Variants in ANKFY1 observed in about 807,000 individuals in gnomAD.
The protein encoded by ANKFY1 is ankyrin repeat and FYVE domain containing 1.
ANKFY1 carries 47 observed loss-of-function variants against 128.3 expected under a neutral mutation model. That is an observed-to-expected ratio of 0.37 (90% CI 0.29 to 0.47). ANKFY1 has a LOEUF of 0.47. Among genes scored for constraint, ANKFY1 ranks in the 20% least tolerant of loss-of-function variants. The probability of loss-of-function intolerance (pLI) is 1.00; values close to 1 mark genes in which losing one functional copy is unlikely to be tolerated. For missense variants in ANKFY1, 1,222 were observed against 1,510.6 expected (o/e 0.81, Z 3.17); for synonymous variants, 553 against 601.6 (o/e 0.92, Z 1.18).
At chr17:4,180,167 C>T (rs1179838019) in intron 16 of ANKFY1, 2 of 360,114 alleles carry the variant, frequency 5.6e-6, no homozygotes, top group African/African-American at 2.1e-5. Flanking sequence ...GTGGCTCATG[C>T]CTCTAATCCC....
At position 4,164,322 on chromosome 17, in the gene ANKFY1, A is replaced by G. The variant is rs779400643; in HGVS notation, c.*3457T>C. On this transcript the variant is annotated 3_prime_UTR_variant, in exon 25 of 25. Transcript: ENST00000341657. ...GTACAGGCAATGATCTTCCAAAGAA[A>G]GTCTTTAAGGCATCTGTAACTTCTG... is the stretch of plus-strand genomic sequence containing the variant. The G allele has an allele frequency of 1.3e-5, 2 of 152,712 alleles. No homozygotes were observed. Among genetic ancestry groups the G allele is most frequent in the African/African-American group, 4.8e-5 (2 of 41,478 alleles). The allele number at this position is 152,712 out of a possible 1,614,324, so 9.5% of individuals were successfully genotyped here. A position where few individuals can be genotyped will look rare whatever the true frequency, so the allele number is the denominator to read the frequency against.
At chr17:4,251,079 G>A (rs912339545) in intron 1 of ANKFY1, among the ~76,000 whole-genome samples, 8 of 152,302 alleles carry the variant, frequency 5.3e-5, no homozygotes, top group Admixed American at 1.3e-4. Context: ...CTGGCATCAA[G>A]ATAGATATCC....
At chr17:4,215,878 A>G (rs2060212959) in intron 4 of ANKFY1, among the ~76,000 whole-genome samples, 1 of 152,112 alleles carries the variant, frequency 6.6e-6, no homozygotes, top group South Asian at 2.1e-4. Context: ...AATCTAATTA[A>G]AATCAGTCTG....
chr17:4,245,516 G>GT lies in ANKFY1; in HGVS notation c.11-3069dup, dbSNP rs1312492339. 5.3e-5 allele frequency among the ~76,000 whole-genome samples: 8 copies of GT among 150,470 alleles called. 1 individual carries two copies. The highest frequency in any genetic ancestry group is 5.3e-4 in the Admixed American group (8 of 15,200). On this transcript the variant is annotated intron_variant, in intron 1 of 24. Coordinates refer to ENST00000341657, the MANE Select transcript of ANKFY1 (RefSeq NM_001330063.2). Reference sequence around the variant, plus strand: ...ATCACACCTGGCTATAAATTTTTAAGTTTTTTGGAGAGATGGGCCTTGCTA... The same window carrying GT: ...ATCACACCTGGCTATAAATTTTTAAGTTTTTTTGGAGAGATGGGCCTTGCTA...
At chr17:4,246,959 A>C (rs1045514378) in intron 1 of ANKFY1, among the ~76,000 whole-genome samples, 3 of 152,018 alleles carry the variant, frequency 2.0e-5, no homozygotes, top group Non-Finnish European at 4.4e-5. Flanking sequence ...AAAAAAATAC[A>C]AAAATGAGCC....
chr17:4,200,577 C>A (rs2059910298), intron 7 of ANKFY1, among the ~76,000 whole-genome samples: 1 of 152,088 alleles, frequency 6.6e-6, no homozygotes, highest in Admixed American at 6.6e-5. Flanking sequence ...CTGGATGATC[C>A]CCAGCATGCA....
In ANKFY1 at chr17:4,214,771, C is replaced by T. The variant is rs567903499; in HGVS notation, c.458+2212G>A. 1.4e-3 allele frequency among the ~76,000 whole-genome samples: 215 copies of T among 151,976 alleles called. 1 individual carries two copies. Among genetic ancestry groups the T allele is most frequent in the African/African-American group, 4.9e-3 (202 of 41,454 alleles). On this transcript the variant is annotated intron_variant, in intron 4 of 24. Transcript: ENST00000341657. ...GTATAACATCAAGCATATATTTAAA[C>T]GTCCCACAAACTGCTGTATAGTTTT...
intron 3 of ANKFY1, among the ~76,000 whole-genome samples, chr17:4,224,608 A>G (rs1433834841): frequency 1.3e-5 from 2 of 152,196 alleles, no homozygotes. Flanking sequence ...CTAGAGGAAA[A>G]AAAATTTTTT....
chr17:4,183,507 T>G lies in ANKFY1; in HGVS notation c.1843A>C (p.Ile615Leu). The stretch of plus-strand genomic sequence containing the variant: ...TGCCCATCCGACATGGTGTCATTGA[T>G]GGCGGCTCCAGAGCCCAGCAGCTGG... ...AAQLLGSGAA[I>L]NDTMSDGQTL... The change falls in exon 14 of 25, where the codon ATC (isoleucine) becomes CTC (leucine). Residue 615 changes from isoleucine to leucine, a missense_variant. Ile to Leu is a conservative substitution (Grantham distance 5, BLOSUM62 2). Transcript: ENST00000341657. 1 of 1,613,080 alleles carries G rather than the reference T, an allele frequency of 6.2e-7. No homozygotes were observed. Among genetic ancestry groups the G allele is most frequent in the South Asian group, 1.1e-5 (1 of 91,026 alleles).
chr17:4,209,761 C>A, intron 5 of ANKFY1, 63 bp downstream of exon 5: 8 of 1,536,296 alleles, frequency 5.2e-6, no homozygotes, highest in Non-Finnish European at 7.1e-6. Flanking sequence ...GGAACTACGT[C>A]CCCAGCGGCG....
chr17:4,176,876 C>T (rs964058634), intron 19 of ANKFY1, among the ~76,000 whole-genome samples: 3 of 152,210 alleles, frequency 2.0e-5, no homozygotes, highest in Admixed American at 6.5e-5. Flanking sequence ...GGTGCTCCCA[C>T]CCTGCCTCCA....
intron 1 of ANKFY1, 145 bp downstream of exon 1, chr17:4,263,787 G>T: frequency 6.3e-7 from 1 of 1,590,124 alleles, no homozygotes. Context: ...GAGAAGCTCC[G>T]GAGAGGCTAG....
intron 3 of ANKFY1, among the ~76,000 whole-genome samples, chr17:4,217,376 A>G (rs943290764): frequency 6.6e-6 from 1 of 152,124 alleles, no homozygotes; most frequent in African/African-American, 2.4e-5. Flanking sequence ...CTGAAACCCC[A>G]TGTCTACTAA....
chr17:4,211,071 G>GA (rs1598083804), intron 4 of ANKFY1, among the ~76,000 whole-genome samples: 4 of 151,634 alleles, frequency 2.6e-5, no homozygotes, highest in Admixed American at 2.6e-4. Context: ...AAAGAAAAAA[G>GA]AAAAAACTCA....
rs764795625 is a variant in ANKFY1 at position 4,178,974 on chromosome 17, A to G, written c.2481T>C (p.Asp827=). ...VIIQLLVSHP[D]IHLNVRDRQG... The stretch of plus-strand genomic sequence containing the variant: ...GTCTGTCTCGTACATTCAAATGGAT[A>G]TCGGGGTGAGAAACCAACAGCTGAA... The change falls in exon 18 of 25, where the codon GAT becomes GAC. Residue 827 remains aspartate (D), a synonymous_variant. Transcript: ENST00000341657. The surrounding 1 kb of genome is among the most constrained non-coding windows in gnomAD (Gnocchi z 4.1). 2.5e-6 allele frequency: 4 copies of G among 1,614,186 alleles called. No homozygotes were observed. Among genetic ancestry groups the G allele is most frequent in the Non-Finnish European group, 3.4e-6 (4 of 1,180,024 alleles).
intron 3 of ANKFY1, among the ~76,000 whole-genome samples, chr17:4,233,289 C>T (rs2060545308): frequency 6.6e-6 from 1 of 151,814 alleles, no homozygotes; most frequent in South Asian, 2.1e-4. Flanking sequence ...TTGTGAAGAA[C>T]ACTACATGAT....
intron 23 of ANKFY1, among the ~76,000 whole-genome samples, chr17:4,170,131 A>G (rs1253783772): frequency 6.6e-6 from 1 of 152,236 alleles, no homozygotes; most frequent in Non-Finnish European, 1.5e-5. Flanking sequence ...CCCCCTGGGC[A>G]GGTCCTGTGC....
chr17:4,209,710 G>T, intron 5 of ANKFY1, 114 bp downstream of exon 5: 2 of 1,196,392 alleles, frequency 1.7e-6, no homozygotes, highest in Non-Finnish European at 2.3e-6. Flanking sequence ...CTTCAATTGT[G>T]TAACAAGAGA....
At chr17:4,244,299 C>T (rs1333539448) in intron 1 of ANKFY1, among the ~76,000 whole-genome samples, 2 of 152,148 alleles carry the variant, frequency 1.3e-5, no homozygotes, top group African/African-American at 4.8e-5. Context: ...AAAATTACAA[C>T]TCTACATTAG....
Sources: gnomAD v4.1 joint callset for allele counts (sites outside exome capture counted in the v4.1 genomes callset) on GRCh38, gnomAD v4.1.1 for gene constraint, Gnocchi (gnomAD v3.1) non-coding constraint, MANE v1.5 for transcripts, NCBI Gene and HGNC (gene_info 2026-07-23, HGNC 2026-07-21) for gene names.